The following PRKD1 variants were observed in gnomAD, a reference collection of about 807,000 sequenced individuals.
The protein encoded by PRKD1 is serine/threonine-protein kinase D1.
PRKD1 carries 63 observed loss-of-function variants against 95.9 expected under a neutral mutation model. The ratio of observed to expected loss-of-function variants is 0.66; its 90% CI spans 0.54 to 0.81. PRKD1 has a LOEUF of 0.81. Among genes scored for constraint, PRKD1 ranks in the 30% least tolerant of loss-of-function variants. The pLI is 0.00. For synonymous variants in PRKD1, 425 were observed against 423.1 expected, an observed-to-expected ratio of 1.00 and a Z score of -0.05; for missense variants, 1,048 against 1,165.3, an observed-to-expected ratio of 0.90 and a Z score of 1.47.
intron 1 of PRKD1, among the ~76,000 whole-genome samples, chr14:29,748,941 A>G (rs966366632): frequency 1.3e-5 from 2 of 152,194 alleles, no homozygotes; most frequent in African/African-American, 4.8e-5. Context: ...ATAAAATTAT[A>G]AAATTATATA....
At chr14:29,750,393 A>C (rs976758168) in intron 1 of PRKD1, among the ~76,000 whole-genome samples, 3 of 152,180 alleles carry the variant, frequency 2.0e-5, no homozygotes, top group Admixed American at 2.0e-4. Context: ...AACATCACCA[A>C]ACTTCTAAGT....
chr14:29,803,137 C>T (rs1890101715), intron 1 of PRKD1, among the ~76,000 whole-genome samples: 1 of 152,130 alleles, frequency 6.6e-6, no homozygotes, highest in East Asian at 1.9e-4. Flanking sequence ...AAAGGACCCA[C>T]AGGCTTAAGG....
At chr14:29,773,244 G>A (rs1224092342) in intron 1 of PRKD1, among the ~76,000 whole-genome samples, 1 of 152,028 alleles carries the variant, frequency 6.6e-6, no homozygotes, top group Non-Finnish European at 1.5e-5. Context: ...GTGAATCACT[G>A]GAGGTCAGGA....
intron 1 of PRKD1, among the ~76,000 whole-genome samples, chr14:29,885,126 A>T (rs573448377): frequency 0.035 from 4,083 of 117,430 alleles, 89 homozygotes; most frequent in South Asian, 0.069. Context: ...CCATCTTTTA[A>T]AAAAAAAAAA....
At chr14:29,896,720 T>TAAAA (rs34261706) in intron 1 of PRKD1, among the ~76,000 whole-genome samples, 20 of 134,076 alleles carry the variant, frequency 1.5e-4, no homozygotes, top group African/African-American at 5.3e-4. Flanking sequence ...ATTAAACAGT[T>TAAAA]AAAAAAAAAA....
At chr14:29,845,353 G>A (rs1195442820) in intron 1 of PRKD1, among the ~76,000 whole-genome samples, 1 of 152,060 alleles carries the variant, frequency 6.6e-6, no homozygotes, top group Non-Finnish European at 1.5e-5. Context: ...CACAAAATCT[G>A]TACATGTTTA....
intron 1 of PRKD1, among the ~76,000 whole-genome samples, chr14:29,870,670 T>C (rs1213494145): frequency 6.6e-6 from 1 of 152,226 alleles, no homozygotes; most frequent in African/African-American, 2.4e-5. Context: ...ATCACATATG[T>C]TTGTAATTTC....
Position 29,706,496 on chromosome 14 carries a change from C to T in PRKD1, c.403+19040G>A, listed in dbSNP as rs533086346. On this transcript the variant is annotated intron_variant, in intron 2 of 17. Transcript: ENST00000331968. ...GATAATGTTCTAAACTGATTATCATCCATATCAAATTTAAATTCAAATCTG... is the reference window on the plus strand; with the variant it reads ...GATAATGTTCTAAACTGATTATCATTCATATCAAATTTAAATTCAAATCTG... Among the ~76,000 whole-genome samples the T allele has an allele frequency of 5.9e-4, 90 of 152,202 alleles. 1 individual carries two copies. Among genetic ancestry groups the T allele is most frequent in the African/African-American group, 1.6e-3 (68 of 41,556 alleles).
At chr14:29,861,412 A>G in intron 1 of PRKD1, among the ~76,000 whole-genome samples, 1 of 152,212 alleles carries the variant, frequency 6.6e-6, no homozygotes, top group South Asian at 2.1e-4. Context: ...TAATTTTTTT[A>G]TATTTTATTT....
At chr14:29,644,676 G>A (rs1046146795) in intron 4 of PRKD1, among the ~76,000 whole-genome samples, 13 of 152,048 alleles carry the variant, frequency 8.5e-5, no homozygotes, top group Admixed American at 8.5e-4. Context: ...GTTATAAAAA[G>A]TGTTTTCTAT....
intron 1 of PRKD1, among the ~76,000 whole-genome samples, chr14:29,850,208 A>C (rs938207422): frequency 6.6e-6 from 1 of 152,152 alleles, no homozygotes; most frequent in African/African-American, 2.4e-5. Context: ...CAGACCAATA[A>C]GTCAAGAGAA....
chr14:29,905,396 A>T (rs1293538088), intron 1 of PRKD1, among the ~76,000 whole-genome samples: 1 of 152,156 alleles, frequency 6.6e-6, no homozygotes, highest in Non-Finnish European at 1.5e-5. Flanking sequence ...AATAGGAGGA[A>T]TGCTTTTTGT....
intron 2 of PRKD1, among the ~76,000 whole-genome samples, chr14:29,689,715 A>C (rs1566541201): frequency 6.6e-6 from 1 of 152,226 alleles, no homozygotes; most frequent in Non-Finnish European, 1.5e-5. Flanking sequence ...AAGACATGGA[A>C]TCAACACAAA....
chr14:29,716,897 T>G (rs1461865410), intron 2 of PRKD1, among the ~76,000 whole-genome samples: 1 of 152,038 alleles, frequency 6.6e-6, no homozygotes, highest in Non-Finnish European at 1.5e-5. Context: ...AGAAATACTG[T>G]GAAAGAAACT....
At chr14:29,780,204 A>T (rs1175217436) in intron 1 of PRKD1, among the ~76,000 whole-genome samples, 1 of 152,190 alleles carries the variant, frequency 6.6e-6, no homozygotes, top group African/African-American at 2.4e-5. Context: ...AACCTAGGCA[A>T]TACCATTCAG....
intron 16 of PRKD1, among the ~76,000 whole-genome samples, chr14:29,589,726 T>C (rs553442336): frequency 2.8e-4 from 43 of 152,254 alleles, no homozygotes; most frequent in African/African-American, 9.4e-4. Flanking sequence ...TTATCTTTCA[T>C]GCCATGCCCT....
At chr14:29,752,788 A>C (rs1490479131) in intron 1 of PRKD1, among the ~76,000 whole-genome samples, 1 of 152,152 alleles carries the variant, frequency 6.6e-6, no homozygotes, top group African/African-American at 2.4e-5. Flanking sequence ...CCTACGGTAC[A>C]TAAAAAAAGT....
chr14:29,582,260 C>CAAGGAT (rs1477471704), intron 16 of PRKD1, among the ~76,000 whole-genome samples: 5 of 152,142 alleles, frequency 3.3e-5, no homozygotes, highest in Non-Finnish European at 7.4e-5. Context: ...AGAATTTTGT[C>CAAGGAT]AAGGATAAAT....
intron 1 of PRKD1, among the ~76,000 whole-genome samples, chr14:29,867,638 C>T (rs903452241): frequency 3.3e-5 from 5 of 152,164 alleles, no homozygotes; most frequent in Non-Finnish European, 7.4e-5. Context: ...TTAAGCAGGA[C>T]GGTCATGTGA....
Sources: gnomAD v4.1 joint callset for allele counts (sites outside exome capture counted in the v4.1 genomes callset) on GRCh38, gnomAD v4.1.1 for gene constraint, MANE v1.5 for transcripts, NCBI Gene and HGNC (gene_info 2026-07-23, HGNC 2026-07-21) for gene names.